The following SLC35F3 variants were observed in gnomAD, a reference collection of about 807,000 sequenced individuals.
SLC35F3 encodes the protein solute carrier family 35 member F3, also known as putative thiamine transporter SLC35F3.
SLC35F3 carries 25 observed loss-of-function variants against 49.9 expected under a neutral mutation model. The ratio of observed to expected loss-of-function variants is 0.50; its 90% CI spans 0.37 to 0.70. The LOEUF is 0.70. SLC35F3 is among the 30% of genes least tolerant of loss of function. The pLI is 0.00. For synonymous variants in SLC35F3, 275 were observed against 265.4 expected (o/e 1.04, Z -0.35); for missense variants, 525 against 639.8 (o/e 0.82, Z 1.94).
intron 2 of SLC35F3, among the ~76,000 whole-genome samples, chr1:233,990,296 A>G (rs1310656026): frequency 1.3e-5 from 2 of 152,214 alleles, no homozygotes; most frequent in Non-Finnish European, 2.9e-5. Flanking sequence ...TTTGGAGTGT[A>G]TGAATTTAAT....
intron 2 of SLC35F3, among the ~76,000 whole-genome samples, chr1:233,914,187 C>T (rs1661931388): frequency 6.6e-6 from 1 of 152,164 alleles, no homozygotes; most frequent in Non-Finnish European, 1.5e-5. Flanking sequence ...CTAACTCACT[C>T]AGCTCCTCTC....
chr1:234,048,051 T>C (rs1244057892), intron 2 of SLC35F3, among the ~76,000 whole-genome samples: 1 of 152,118 alleles, frequency 6.6e-6, no homozygotes, highest in Non-Finnish European at 1.5e-5. Context: ...ATTCCTCTTA[T>C]AAAGTGACAA....
At chr1:234,315,152 G>A (rs978437096) in intron 4 of SLC35F3, among the ~76,000 whole-genome samples, 2 of 152,126 alleles carry the variant, frequency 1.3e-5, no homozygotes, top group South Asian at 2.1e-4. Flanking sequence ...GAAAGAACAC[G>A]CAGACAGATT....
At chr1:234,312,197 C>T (rs1445232840) in intron 4 of SLC35F3, among the ~76,000 whole-genome samples, 1 of 152,080 alleles carries the variant, frequency 6.6e-6, no homozygotes, top group Non-Finnish European at 1.5e-5. Context: ...AGTGAGACCA[C>T]CCCCAGCCTC....
chr1:234,044,249 G>T (rs1664260420), intron 2 of SLC35F3, among the ~76,000 whole-genome samples: 1 of 152,154 alleles, frequency 6.6e-6, no homozygotes, highest in South Asian at 2.1e-4. Flanking sequence ...AAAAGTCAGT[G>T]CCATGCCCTT....
At chr1:233,976,875 T>C (rs974130562) in intron 2 of SLC35F3, among the ~76,000 whole-genome samples, 3 of 152,096 alleles carry the variant, frequency 2.0e-5, no homozygotes, top group Non-Finnish European at 4.4e-5. Flanking sequence ...CCTCCCCAAG[T>C]GCTGGAATTA....
At chr1:233,939,203 G>C (rs1323312533) in intron 2 of SLC35F3, among the ~76,000 whole-genome samples, 3 of 152,176 alleles carry the variant, frequency 2.0e-5, no homozygotes, top group African/African-American at 7.2e-5. Context: ...TGTAATCCCA[G>C]TACTTTGGGA....
chr1:234,299,424 A>G (rs1364482202), intron 3 of SLC35F3, among the ~76,000 whole-genome samples: 1 of 152,198 alleles, frequency 6.6e-6, no homozygotes, highest in Non-Finnish European at 1.5e-5. Context: ...GGTGATCCTC[A>G]TGCCAGAAAA....
chr1:234,023,262 G>A (rs1663925843), intron 2 of SLC35F3, among the ~76,000 whole-genome samples: 1 of 152,140 alleles, frequency 6.6e-6, no homozygotes, highest in Admixed American at 6.5e-5. Context: ...GCTGATTTTA[G>A]AGCTGAGGAA....
chr1:233,942,025 A>G (rs1425896428), intron 2 of SLC35F3, among the ~76,000 whole-genome samples: 1 of 144,050 alleles, frequency 6.9e-6, no homozygotes, highest in African/African-American at 2.6e-5. Context: ...CAGTGGCACG[A>G]TCTCGGATCA....
chr1:234,320,033 C>A lies in SLC35F3; in HGVS notation c.1148-65C>A. Reference sequence around the variant, plus strand: ...ATCAGGAAAACCTGGGTCAGATAGGCCAGCAGGGAGGTAAAGTACACAGCA... The same window carrying A: ...ATCAGGAAAACCTGGGTCAGATAGGACAGCAGGGAGGTAAAGTACACAGCA... On this transcript the variant is annotated intron_variant, in intron 6 of 7. Transcript: ENST00000366618. This position sits in a 1 kb window ranked among gnomAD's most constrained non-coding sequence, Gnocchi z 4.8. 2.6e-6 allele frequency: 3 copies of A among 1,151,980 alleles called. No individual in the cohort carries two copies. The highest frequency in any genetic ancestry group is 2.6e-6 in the Non-Finnish European group (2 of 761,534). 71.4% of individuals were successfully genotyped at this position (1,151,980 alleles called of 1,614,324 possible). A position where few individuals can be genotyped will look rare whatever the true frequency, so the allele number is the denominator to read the frequency against.
intron 2 of SLC35F3, among the ~76,000 whole-genome samples, chr1:234,181,863 G>A (rs1666562655): frequency 2.6e-5 from 4 of 151,978 alleles, no homozygotes; most frequent in Admixed American, 2.6e-4. Context: ...CATATTGTCT[G>A]GTTATCTGTT....
intron 2 of SLC35F3, among the ~76,000 whole-genome samples, chr1:234,056,267 T>C (rs1010690480): frequency 1.7e-4 from 26 of 151,798 alleles, no homozygotes; most frequent in African/African-American, 6.3e-4. Context: ...GATATAATAT[T>C]AATTAATCTC....
chr1:234,030,838 A>G (rs1258414335), intron 2 of SLC35F3, among the ~76,000 whole-genome samples: 1 of 152,230 alleles, frequency 6.6e-6, no homozygotes, highest in Admixed American at 6.5e-5. Flanking sequence ...AAACCAAGAG[A>G]AAAGATGATT....
At chr1:234,122,242 C>G (rs1244216480) in intron 2 of SLC35F3, among the ~76,000 whole-genome samples, 1 of 152,200 alleles carries the variant, frequency 6.6e-6, no homozygotes, top group Non-Finnish European at 1.5e-5. Context: ...AAGAATTCTG[C>G]AGGTTAATCA....
At chr1:233,922,041 A>G (rs1470617723) in intron 2 of SLC35F3, among the ~76,000 whole-genome samples, 1 of 152,132 alleles carries the variant, frequency 6.6e-6, no homozygotes, top group Non-Finnish European at 1.5e-5. Flanking sequence ...CCAGTCTATC[A>G]TTGTTGGACA....
At chr1:234,303,879 A>G (rs554958041) in intron 3 of SLC35F3, among the ~76,000 whole-genome samples, 23 of 152,148 alleles carry the variant, frequency 1.5e-4, no homozygotes, top group Middle Eastern at 3.4e-3. Flanking sequence ...CATGTCTTTC[A>G]GTTCTGAGAA....
In SLC35F3 at chr1:234,320,521, C is replaced by A. The variant is rs1315047718; in HGVS notation, c.1237+334C>A. ...AAGTCTAAAGGCATCTTGATTCTAA[C>A]TGGTATGGGGAGCAGAATGAATCTC... On this transcript the variant is annotated intron_variant, in intron 7 of 7. Transcript: ENST00000366618. This position sits in a 1 kb window ranked among gnomAD's most constrained non-coding sequence, Gnocchi z 4.8. Among the ~76,000 whole-genome samples, 2 of 152,084 alleles carry A rather than the reference C, an allele frequency of 1.3e-5. No individual in the cohort carries two copies. Among genetic ancestry groups the A allele is most frequent in the African/African-American group, 4.8e-5 (2 of 41,388 alleles).
intron 3 of SLC35F3, among the ~76,000 whole-genome samples, chr1:234,250,653 CAAAAAA>C (rs35486350): frequency 1.2e-5 from 1 of 81,508 alleles, no homozygotes; most frequent in Non-Finnish European, 2.4e-5. Flanking sequence ...GACTCCGTCT[CAAAAAA>C]AAAAAAAAAA....
Sources: allele counts gnomAD v4.1 joint callset (sites outside exome capture counted in the v4.1 genomes callset), GRCh38; gene constraint gnomAD v4.1.1; non-coding constraint Gnocchi (gnomAD v3.1); transcripts MANE v1.5; gene names NCBI Gene and HGNC (gene_info 2026-07-23, HGNC 2026-07-21).